The following PRR5L variants were observed in gnomAD, a reference collection of about 807,000 sequenced individuals.
The protein encoded by PRR5L is proline-rich protein 5-like.
In PRR5L, 21 loss-of-function variants were observed where a neutral mutation model predicts 36.4. That is an observed-to-expected ratio of 0.58 (90% CI 0.41 to 0.83). The LOEUF is 0.83. PRR5L is among the 40% of genes least tolerant of loss of function. The probability of loss-of-function intolerance (pLI) is 0.00; values close to 1 mark genes in which losing one functional copy is unlikely to be tolerated. For missense variants in PRR5L, 381 were observed against 473.3 expected (o/e 0.80, Z 1.81); for synonymous variants, 188 against 197.0 (o/e 0.95, Z 0.38).
At chr11:36,366,699 A>T (rs1255260408) in intron 1 of PRR5L, among the ~76,000 whole-genome samples, 1 of 152,164 alleles carries the variant, frequency 6.6e-6, no homozygotes, top group Non-Finnish European at 1.5e-5. Flanking sequence ...TTTGTATGGG[A>T]TGTACCTTGT....
At chr11:36,360,568 AAC>A (rs1242463883) in intron 1 of PRR5L, among the ~76,000 whole-genome samples, 2 of 152,028 alleles carry the variant, frequency 1.3e-5, no homozygotes, top group Non-Finnish European at 1.5e-5. Flanking sequence ...TCGCACATGT[AAC>A]ACACACACCC....
At chr11:36,368,085 G>A (rs948293305) in intron 1 of PRR5L, among the ~76,000 whole-genome samples, 1 of 152,226 alleles carries the variant, frequency 6.6e-6, no homozygotes, top group East Asian at 1.9e-4. Context: ...AGTGGCTGCC[G>A]TAGATTGGAG....
rs184667255 is a variant in PRR5L at position 36,460,527 on chromosome 11, T to G, written c.713-1815T>G. On this transcript the variant is annotated intron_variant, in intron 8 of 8. Transcript: ENST00000530639. ...GGTGTCTCTAGCGGTCATCCTCACC[T>G]TACTGTCATCACCACAACTCCACTT... 1.6e-3 allele frequency among the ~76,000 whole-genome samples: 243 copies of G among 152,330 alleles called. 1 individual carries two copies. The highest frequency in any genetic ancestry group is 0.01 in the Middle Eastern group (3 of 294).
chr11:36,368,750 T>C (rs2133509447), intron 1 of PRR5L, among the ~76,000 whole-genome samples: 1 of 152,344 alleles, frequency 6.6e-6, no homozygotes, highest in South Asian at 2.1e-4. Flanking sequence ...AACAATACCA[T>C]CCTTCCCAGT....
At chr11:36,315,286 T>C (rs1337998366) in intron 1 of PRR5L, among the ~76,000 whole-genome samples, 4 of 152,344 alleles carry the variant, frequency 2.6e-5, no homozygotes, top group African/African-American at 7.2e-5. Context: ...TAGAAAAGCA[T>C]AGCTATTATT....
chr11:36,384,853 TA>T (rs1565432970), intron 1 of PRR5L, among the ~76,000 whole-genome samples: 1 of 149,246 alleles, frequency 6.7e-6, no homozygotes, highest in Non-Finnish European at 1.5e-5. Flanking sequence ...TTTTTTTTTT[TA>T]GAGTTGGGAT....
chr11:36,376,383 T>G (rs1857261614), intron 1 of PRR5L: 7 of 1,141,128 alleles, frequency 6.1e-6, no homozygotes, highest in African/African-American at 5.4e-5. Context: ...GAGGCGGCCG[T>G]AAGATGAGAG....
intron 1 of PRR5L, among the ~76,000 whole-genome samples, chr11:36,309,997 C>T (rs1446358084): frequency 1.3e-5 from 2 of 152,240 alleles, no homozygotes; most frequent in African/African-American, 2.4e-5. Flanking sequence ...CTACGACCAC[C>T]ACCATCACTA....
chr11:36,390,642 T>G (rs1388340227), intron 1 of PRR5L, among the ~76,000 whole-genome samples: 5 of 152,206 alleles, frequency 3.3e-5, no homozygotes, highest in Non-Finnish European at 5.9e-5. Context: ...AACAGGTGCT[T>G]TCATGTAGTT....
chr11:36,362,669 T>G lies in PRR5L; in HGVS notation c.-125-38328T>G, dbSNP rs192049382. 2.8e-3 allele frequency among the ~76,000 whole-genome samples: 428 copies of G among 152,356 alleles called. 4 individuals carry two copies. Among genetic ancestry groups the G allele is most frequent in the African/African-American group, 8.5e-3 (353 of 41,586 alleles). On this transcript the variant is annotated intron_variant, in intron 1 of 8. Coordinates refer to ENST00000530639, the MANE Select transcript of PRR5L (RefSeq NM_001160167.2). ...CCTTCTTCTCTCCACCCATCTTTCC[T>G]TTCTCACTTCCACTTTTCCTCCTTC...
At chr11:36,441,774 A>C (rs1323924517) in intron 6 of PRR5L, among the ~76,000 whole-genome samples, 1 of 152,010 alleles carries the variant, frequency 6.6e-6, no homozygotes, top group Middle Eastern at 3.2e-3. Context: ...CATCTTCTGA[A>C]ATCTAGGTGG....
chr11:36,312,417 T>C (rs181688183), intron 1 of PRR5L, among the ~76,000 whole-genome samples: 5 of 152,362 alleles, frequency 3.3e-5, no homozygotes, highest in African/African-American at 1.2e-4. Context: ...ACAGCACTGC[T>C]GTGCTGTCTA....
intron 1 of PRR5L, among the ~76,000 whole-genome samples, chr11:36,379,786 G>A (rs966975808): frequency 6.6e-6 from 1 of 152,122 alleles, no homozygotes; most frequent in African/African-American, 2.4e-5. Flanking sequence ...TCAGTACCTG[G>A]GGATCCAAGA....
Position 36,296,290 on chromosome 11 carries a change from T to C in PRR5L, c.-274T>C, listed in dbSNP as rs1208797665. 6.6e-6 allele frequency: 1 copy of C among 152,212 alleles called. No individual in the cohort carries two copies. Among genetic ancestry groups the C allele is most frequent in the African/African-American group, 2.4e-5 (1 of 41,436 alleles). 9.4% of individuals were successfully genotyped at this position (152,212 alleles called of 1,614,324 possible). A position where few individuals can be genotyped will look rare whatever the true frequency, so the allele number is the denominator to read the frequency against. On this transcript the variant is annotated 5_prime_UTR_variant, in exon 1 of 9. Coordinates refer to ENST00000530639, the MANE Select transcript of PRR5L (RefSeq NM_001160167.2). Reference sequence around the variant, plus strand: ...TATTTTCTGCCTGCTTCTCTGTCAGTCTTCAGGCCCCAGGTCAGTGAGTGG... The same window carrying C: ...TATTTTCTGCCTGCTTCTCTGTCAGCCTTCAGGCCCCAGGTCAGTGAGTGG...
rs1269883989 is a variant in PRR5L, at chr11:36,462,602, C to T, written c.973C>T (p.Leu325=). 4 of 1,612,840 alleles carry T rather than the reference C, an allele frequency of 2.5e-6. No homozygotes were observed. The South Asian group carries it at 4.4e-5, about 18-fold the overall frequency. The change falls in exon 9 of 9, where the codon CTG becomes TTG. Residue 325 remains leucine, a synonymous_variant. Coordinates refer to ENST00000530639, the MANE Select transcript of PRR5L (RefSeq NM_001160167.2). ...EASSENKCLL[L]PPSFPPPHRQ... is the part of the protein sequence containing the mutation. ...CAGCAGTGAGAACAAGTGCCTGCTC[C>T]TGCCACCCAGCTTCCCCCCGCCCCA...
chr11:36,330,131 T>C (rs1856703986), intron 1 of PRR5L, among the ~76,000 whole-genome samples: 1 of 152,162 alleles, frequency 6.6e-6, no homozygotes. Flanking sequence ...GAATACTCAA[T>C]AAGAGTTTCT....
Position 36,401,223 on chromosome 11 carries a change from C to A in PRR5L, c.102C>A (p.Asp34Glu). 6.2e-7 allele frequency: 1 copy of A among 1,613,972 alleles called. No homozygotes were observed. The highest frequency in any genetic ancestry group is 8.5e-7 in the Non-Finnish European group (1 of 1,179,994). The stretch of plus-strand genomic sequence containing the variant: ...TCATGAGCTCCCCCGTGCTCAGCGA[C>A]CTTCCCCGATTCCAAGCAGCTCGGC... ...PRFMSSPVLS[D>E]LPRFQAARQA... The change falls in exon 2 of 9, where the codon GAC (aspartate) becomes GAA (glutamate). Residue 34 changes from aspartate (D) to glutamate (E), a missense_variant. Coordinates refer to ENST00000530639, the MANE Select transcript of PRR5L (RefSeq NM_001160167.2).
chr11:36,376,345 A>AGAG (rs145114661), intron 1 of PRR5L: 23,804 of 899,986 alleles, frequency 0.026, 410 homozygotes, highest in African/African-American at 0.12. Context: ...AGGAGGAGGA[A>AGAG]GAGGAGGAGG....
chr11:36,345,561 G>A (rs1427021350), intron 1 of PRR5L, among the ~76,000 whole-genome samples: 1 of 152,170 alleles, frequency 6.6e-6, no homozygotes, highest in Admixed American at 6.5e-5. Flanking sequence ...GCTTTCAGGA[G>A]TCTGTGATCC....
Sources: allele counts gnomAD v4.1 joint callset (sites outside exome capture counted in the v4.1 genomes callset), GRCh38; gene constraint gnomAD v4.1.1; transcripts MANE v1.5; gene names NCBI Gene and HGNC (gene_info 2026-07-23, HGNC 2026-07-21).